Variants in CCDC191 observed in about 807,000 individuals in gnomAD.
The protein encoded by CCDC191 is coiled-coil domain containing 191.
CCDC191 carries 99 observed loss-of-function variants against 114.0 expected under a neutral mutation model. The ratio of observed to expected loss-of-function variants is 0.87; its 90% CI spans 0.74 to 1.03. The LOEUF is 1.03. CCDC191 is among the 50% of genes least tolerant of loss of function. CCDC191 has a pLI of 0.00. For synonymous variants in CCDC191, 351 were observed against 376.0 expected, an observed-to-expected ratio of 0.93 and a Z score of 0.77; for missense variants, 973 against 1,087.0, an observed-to-expected ratio of 0.90 and a Z score of 1.47.
chr3:114,027,555 T>C (rs979104340), intron 7 of CCDC191, among the ~76,000 whole-genome samples: 2 of 147,316 alleles, frequency 1.4e-5, no homozygotes, highest in Admixed American at 6.9e-5. Flanking sequence ...TGTGCCAAGA[T>C]TGTGCCATTG....
chr3:114,042,394 G>A (rs1336746869), intron 4 of CCDC191, among the ~76,000 whole-genome samples: 3 of 152,166 alleles, frequency 2.0e-5, no homozygotes, highest in Non-Finnish European at 4.4e-5. Flanking sequence ...GTATGCGAGA[G>A]GATACGCACA....
At chr3:114,006,608 ATATATAT>A in intron 9 of CCDC191, among the ~76,000 whole-genome samples, 1 of 133,602 alleles carries the variant, frequency 7.5e-6, no homozygotes, top group South Asian at 2.3e-4. Context: ...ATATATATAT[ATATATAT>A]ATAAATATAT....
intron 2 of CCDC191, among the ~76,000 whole-genome samples, chr3:114,051,619 G>A (rs1368977251): frequency 6.6e-6 from 1 of 152,150 alleles, no homozygotes; most frequent in Non-Finnish European, 1.5e-5. Context: ...CATGTCCCCA[G>A]TGCCACTGAG....
chr3:114,005,738 C>A lies in CCDC191; in HGVS notation c.1638G>T (p.Pro546=), dbSNP rs200803511. ...GGTTGTGGAAATGACCCAAGCAAAG[C>A]GGTTCTGCTTTCTGGCTGGTAGTTC... is the stretch of plus-strand genomic sequence containing the variant. ...TLRTTSQKAE[P]LCLGHFHNRH... is the part of the protein sequence containing the mutation. The change falls in exon 10 of 17, where the codon CCG becomes CCT. Residue 546 remains proline, a synonymous_variant. Transcript: ENST00000295878. 1 of 1,614,094 alleles carries A rather than the reference C, an allele frequency of 6.2e-7. No homozygotes were observed.
Position 114,034,932 on chromosome 3 carries a change from A to T in CCDC191, c.811T>A (p.Trp271Arg). The T allele has an allele frequency of 1.9e-6, 3 of 1,613,742 alleles. No individual in the cohort carries two copies. Among genetic ancestry groups the T allele is most frequent in the Non-Finnish European group, 2.5e-6 (3 of 1,179,898 alleles). The stretch of plus-strand genomic sequence containing the variant: ...CTTATCACACTGGCTTACATTTTCC[A>T]TGCTGCTTTCACAGTGCGTCTCCTC... The part of the protein sequence containing the change: ...IERRRTVKAA[W>R]KIEKKRQEEN... The change falls in exon 6 of 17, where the codon TGG becomes AGG. Residue 271 changes from tryptophan (W) to arginine (R), a missense_variant. Physicochemically the swap from Trp to Arg is moderately radical, Grantham distance 101. Coordinates refer to ENST00000295878, the MANE Select transcript of CCDC191 (RefSeq NM_020817.2).
rs568548957 is a variant in CCDC191, at chr3:114,046,452, A to G, written c.271+139T>C. On this transcript the variant is annotated intron_variant, in intron 3 of 16. Transcript: ENST00000295878. ...CTTGTAATATTGGAGTTAATTCCAG[A>G]GTAAAATAGTTTCAGGGGAGTAGAA... is the stretch of plus-strand genomic sequence containing the variant. 1.9e-4 allele frequency: 121 copies of G among 648,956 alleles called. No individual in the cohort carries two copies. In the East Asian group the frequency reaches 3.2e-3, roughly 17 times the overall value. The allele number at this position is 648,956 out of a possible 1,614,324, so 40.2% of individuals were successfully genotyped here. A position where few individuals can be genotyped will look rare whatever the true frequency, so the allele number is the denominator to read the frequency against.
At chr3:114,040,236 G>C (rs1178828260) in intron 4 of CCDC191, among the ~76,000 whole-genome samples, 1 of 152,200 alleles carries the variant, frequency 6.6e-6, no homozygotes, top group Non-Finnish European at 1.5e-5. Context: ...TAGGTGTGTA[G>C]TAGGCTCTAT....
In CCDC191 at chr3:113,996,317, T is replaced by C. The variant is rs143910219; in HGVS notation, c.2163+5278A>G. On this transcript the variant is annotated intron_variant, in intron 13 of 16. Transcript: ENST00000295878. ...TGTAAGGAAGGGGTCCAGTTTCAGT[T>C]TTCTGCATAGGCTAGCCAGTTTTCC... 4.2e-3 allele frequency among the ~76,000 whole-genome samples: 643 copies of C among 152,338 alleles called. 17 individuals are homozygous for C. Among genetic ancestry groups the C allele is most frequent in the Admixed American group, 0.037 (562 of 15,310 alleles).
At chr3:114,039,332 C>T (rs180879062) in intron 4 of CCDC191, 4 of 151,850 alleles carry the variant, frequency 2.6e-5, no homozygotes, top group Admixed American at 2.6e-4. Flanking sequence ...AAAGCAAGAC[C>T]CTGTTTCTTT....
intron 3 of CCDC191, among the ~76,000 whole-genome samples, chr3:114,043,727 G>C (rs13064466): frequency 0.22 from 33,585 of 152,126 alleles, 4,485 homozygotes; most frequent in Middle Eastern, 0.36. Flanking sequence ...AAGCACGGAG[G>C]TAGGGAACAC....
intron 16 of CCDC191, among the ~76,000 whole-genome samples, chr3:113,969,985 G>A (rs1940634516): frequency 6.6e-6 from 1 of 152,090 alleles, no homozygotes; most frequent in African/African-American, 2.4e-5. Flanking sequence ...CAGGAGCATG[G>A]CATATCTTTC....
intron 13 of CCDC191, 88 bp from the exon 14 acceptor site, chr3:113,980,881 G>A: frequency 1.6e-6 from 2 of 1,228,124 alleles, no homozygotes; most frequent in Non-Finnish European, 2.3e-6. Context: ...ATTTGAACAT[G>A]TAACCATTGA....
At chr3:114,011,991 G>A (rs1171860386) in intron 8 of CCDC191, among the ~76,000 whole-genome samples, 1 of 152,176 alleles carries the variant, frequency 6.6e-6, no homozygotes, top group Non-Finnish European at 1.5e-5. Flanking sequence ...ACACTGGATT[G>A]TATCTTGGAA....
intron 11 of CCDC191, chr3:114,003,900 G>A (rs2075899017): frequency 1.0e-6 from 1 of 985,212 alleles, no homozygotes; most frequent in East Asian, 1.1e-4. Flanking sequence ...GAAGGACTAA[G>A]CATATAGTAA....
rs376073972 is a variant in CCDC191 at position 113,978,919 on chromosome 3, G to A, written c.2399C>T (p.Ala800Val). ...TTGGGAATAAAATTGATCAGCCTGG[G>A]CCATCTTTCTAGCCAGACTTTCCTG... ...RSQESLARKM[A>V]QADQFYSQIL... Residue 800 changes from alanine (A) to valine (V), a missense_variant, in exon 15 of 17, where the codon GCC (alanine) becomes GTC (valine). Physicochemically the swap from Ala to Val is moderately conservative, Grantham distance 64. Transcript: ENST00000295878. The A allele has an allele frequency of 6.2e-6, 10 of 1,613,914 alleles. No homozygotes were observed. Among genetic ancestry groups the A allele is most frequent in the Non-Finnish European group, 7.6e-6 (9 of 1,179,954 alleles).
In CCDC191 at chr3:114,024,180, T is replaced by C. The variant is rs187257231; in HGVS notation, c.973-5312A>G. Among the ~76,000 whole-genome samples, 1,186 of 152,228 alleles carry C rather than the reference T, an allele frequency of 7.8e-3. 6 individuals are homozygous for C. Among genetic ancestry groups the C allele is most frequent in the Non-Finnish European group, 0.012 (788 of 68,014 alleles). ...ATCTCACACCAGTTAGAATGGCGATTATTAAAAAGTCAGGAAACAACAGGT... is the reference window on the plus strand; with the variant it reads ...ATCTCACACCAGTTAGAATGGCGATCATTAAAAAGTCAGGAAACAACAGGT... On this transcript the variant is annotated intron_variant, in intron 7 of 16. Coordinates refer to ENST00000295878, the MANE Select transcript of CCDC191 (RefSeq NM_020817.2).
At chr3:113,994,105 G>A (rs1204653292) in intron 13 of CCDC191, among the ~76,000 whole-genome samples, 2 of 152,160 alleles carry the variant, frequency 1.3e-5, no homozygotes, top group African/African-American at 4.8e-5. Flanking sequence ...ATTGTTAAGT[G>A]AATTAAAGTA....
At chr3:114,034,117 T>C (rs1353602704) in intron 6 of CCDC191, among the ~76,000 whole-genome samples, 3 of 152,272 alleles carry the variant, frequency 2.0e-5, no homozygotes, top group African/African-American at 7.2e-5. Context: ...ACTATTTTCA[T>C]CTTCCTCTTA....
At chr3:113,999,466 A>C (rs566890377) in intron 13 of CCDC191, among the ~76,000 whole-genome samples, 4 of 152,202 alleles carry the variant, frequency 2.6e-5, no homozygotes, top group Non-Finnish European at 5.9e-5. Context: ...CATTTGGAAT[A>C]CAGGAGATTT....
Sources: allele counts gnomAD v4.1 joint callset (sites outside exome capture counted in the v4.1 genomes callset), GRCh38; gene constraint gnomAD v4.1.1; transcripts MANE v1.5; gene names NCBI Gene and HGNC (gene_info 2026-07-23, HGNC 2026-07-21).